The following LRP1B variants were observed in gnomAD, a reference collection of about 807,000 sequenced individuals.
LRP1B encodes the protein low-density lipoprotein receptor-related protein 1B.
Under a neutral mutation model 556.6 loss-of-function variants are expected in LRP1B, and 217 were observed. The observed-to-expected ratio is 0.39, with a 90% CI of 0.35 to 0.44. The LOEUF is 0.44. Ranked by LOEUF, LRP1B falls within the 20% of genes least tolerant of loss-of-function variation. The pLI, the probability that LRP1B is intolerant of heterozygous loss-of-function variation, is 1.00. For missense variants in LRP1B, 5,053 were observed against 5,620.8 expected, an observed-to-expected ratio of 0.90 and a Z score of 3.23; for synonymous variants, 2,047 against 1,865.8, an observed-to-expected ratio of 1.10 and a Z score of -2.50.
At chr2:141,450,066 C>T (rs1394589395) in intron 3 of LRP1B, among the ~76,000 whole-genome samples, 2 of 151,380 alleles carry the variant, frequency 1.3e-5, no homozygotes, top group African/African-American at 4.9e-5. Context: ...TTATTTTAAA[C>T]GTTGAGGAGG....
intron 2 of LRP1B, among the ~76,000 whole-genome samples, chr2:141,547,567 C>T (rs1299798800): frequency 6.6e-6 from 1 of 152,116 alleles, no homozygotes; most frequent in African/African-American, 2.4e-5. Context: ...TTAGCATTCC[C>T]ACTTTCACCA....
chr2:141,194,288 C>A (rs967516633), intron 6 of LRP1B, among the ~76,000 whole-genome samples: 2 of 152,040 alleles, frequency 1.3e-5, no homozygotes, highest in African/African-American at 4.8e-5. Flanking sequence ...ATTGTCAGTA[C>A]TTGATTTCTT....
chr2:142,050,322 A>G (rs1357241309), intron 1 of LRP1B, among the ~76,000 whole-genome samples: 1 of 152,154 alleles, frequency 6.6e-6, no homozygotes, highest in Non-Finnish European at 1.5e-5. Flanking sequence ...GTATATTATC[A>G]TTTGAAACCT....
intron 1 of LRP1B, among the ~76,000 whole-genome samples, chr2:142,049,437 C>A (rs984906325): frequency 6.6e-6 from 1 of 152,108 alleles, no homozygotes; most frequent in Middle Eastern, 3.4e-3. Context: ...AGGACATATT[C>A]AGAGTTAAGA....
intron 3 of LRP1B, among the ~76,000 whole-genome samples, chr2:141,472,820 T>A (rs930124081): frequency 6.6e-6 from 1 of 152,168 alleles, no homozygotes; most frequent in Non-Finnish European, 1.5e-5. Flanking sequence ...TTGTAAAAAT[T>A]TACAATTTTT....
In LRP1B at chr2:141,225,390, A is replaced by G. The variant is rs1184344264; in HGVS notation, c.850+3793T>C. On this transcript the variant is annotated intron_variant, in intron 6 of 90. Coordinates refer to ENST00000389484, the MANE Select transcript of LRP1B (RefSeq NM_018557.3). ...CCTTAATAAGAGATTAAGTCAGAAA[A>G]TATTCTTATCTCAATCATCTCTATG... 2.0e-5 allele frequency among the ~76,000 whole-genome samples: 3 copies of G among 152,126 alleles called. No homozygotes were observed. The East Asian group carries it at 5.8e-4, about 29-fold the overall frequency.
At chr2:140,342,247 C>T (rs949127074) in intron 77 of LRP1B, among the ~76,000 whole-genome samples, 4 of 138,446 alleles carry the variant, frequency 2.9e-5, no homozygotes, top group African/African-American at 2.6e-5. Flanking sequence ...ATATAACTAG[C>T]AAAAAAAAAA....
intron 66 of LRP1B, among the ~76,000 whole-genome samples, chr2:140,436,662 CA>C (rs1283699222): frequency 1.4e-5 from 2 of 147,062 alleles, no homozygotes; most frequent in East Asian, 4.0e-4. Flanking sequence ...AGTGTCATCT[CA>C]AAAATGAGTA....
chr2:140,477,175 G>T, intron 59 of LRP1B, among the ~76,000 whole-genome samples: 1 of 152,068 alleles, frequency 6.6e-6, no homozygotes, highest in Middle Eastern at 3.4e-3. Flanking sequence ...AAAATAAAAA[G>T]ATAGTTTACC....
intron 66 of LRP1B, among the ~76,000 whole-genome samples, chr2:140,414,912 A>G (rs1685119348): frequency 6.6e-6 from 1 of 152,194 alleles, no homozygotes; most frequent in Non-Finnish European, 1.5e-5. Flanking sequence ...CAGAGAGCCT[A>G]TAAATGGATG....
chr2:141,435,888 G>A (rs976594885), intron 3 of LRP1B, among the ~76,000 whole-genome samples: 1 of 152,168 alleles, frequency 6.6e-6, no homozygotes, highest in Non-Finnish European at 1.5e-5. Flanking sequence ...GGTGGGAGGA[G>A]AAACACTGGC....
intron 3 of LRP1B, among the ~76,000 whole-genome samples, chr2:141,410,585 T>C (rs1164263960): frequency 1.3e-5 from 2 of 152,096 alleles, no homozygotes; most frequent in African/African-American, 2.4e-5. Flanking sequence ...ATGATGGCTA[T>C]ATATCTATTT....
chr2:142,003,832 C>T (rs1702727028), intron 1 of LRP1B, among the ~76,000 whole-genome samples: 1 of 152,312 alleles, frequency 6.6e-6, no homozygotes, highest in Admixed American at 6.5e-5. Flanking sequence ...AGTGAGTTTT[C>T]TTATGAACAT....
intron 7 of LRP1B, among the ~76,000 whole-genome samples, chr2:141,174,220 C>T (rs1680635801): frequency 6.6e-6 from 1 of 152,060 alleles, no homozygotes; most frequent in East Asian, 1.9e-4. Context: ...TGAAAATGAA[C>T]TTCCTCATGG....
chr2:141,389,277 T>A (rs907378587), intron 3 of LRP1B, among the ~76,000 whole-genome samples: 1 of 152,142 alleles, frequency 6.6e-6, no homozygotes, highest in Non-Finnish European at 1.5e-5. Context: ...ATGGCATACA[T>A]GTAGATCAAT....
intron 11 of LRP1B, among the ~76,000 whole-genome samples, chr2:141,045,567 AC>A (rs1698844482): frequency 6.6e-6 from 1 of 151,884 alleles, no homozygotes; most frequent in Non-Finnish European, 1.5e-5. Flanking sequence ...TCCTGTTGAT[AC>A]CCCTTTTATT....
At chr2:140,875,869 G>C (rs1693289001) in intron 25 of LRP1B, among the ~76,000 whole-genome samples, 1 of 152,058 alleles carries the variant, frequency 6.6e-6, no homozygotes, top group African/African-American at 2.4e-5. Context: ...TACATTATCA[G>C]TAATAATTAT....
intron 43 of LRP1B, among the ~76,000 whole-genome samples, chr2:140,545,899 T>A (rs780000838): frequency 1.1e-4 from 17 of 152,104 alleles, no homozygotes; most frequent in Admixed American, 3.3e-4. Flanking sequence ...GAGCATGGAA[T>A]GTTTTTCCAT....
At chr2:141,169,847 T>C (rs560118537) in intron 7 of LRP1B, among the ~76,000 whole-genome samples, 1 of 151,716 alleles carries the variant, frequency 6.6e-6, no homozygotes, top group Non-Finnish European at 1.5e-5. Context: ...CTGCTACTTT[T>C]GCTCATGATG....
Sources: allele counts gnomAD v4.1 joint callset (sites outside exome capture counted in the v4.1 genomes callset), GRCh38; gene constraint gnomAD v4.1.1; transcripts MANE v1.5; gene names NCBI Gene and HGNC (gene_info 2026-07-23, HGNC 2026-07-21).